SPTB: variants seen among roughly 807,000 people sequenced by gnomAD.
The protein encoded by SPTB is spectrin beta, erythrocytic, also known as spectrin beta chain, erythrocytic.
In SPTB, 45 loss-of-function variants were observed where a neutral mutation model predicts 256.2. The observed-to-expected ratio is 0.18, with a 90% CI of 0.14 to 0.23. The LOEUF (loss-of-function observed/expected upper bound fraction) is 0.23. SPTB is among the 10% of genes least tolerant of loss of function. The pLI is 1.00. For synonymous variants in SPTB, 1,231 were observed against 1,243.1 expected (o/e 0.99, Z 0.21); for missense variants, 2,715 against 3,040.4 (o/e 0.89, Z 2.52).
Position 64,772,830 on chromosome 14 carries a change from A to T in SPTB, c.5303T>A (p.Ile1768Asn). The change falls in exon 26 of 36, where the codon ATC becomes AAC. Residue 1768 changes from isoleucine to asparagine, a missense_variant. By Grantham distance (149) the Ile-to-Asn change is moderately radical. Around this residue, in one of 4 missense-constraint regions of SPTB, gnomAD observed 2,239 missense variants for 2,384.4 expected, o/e 0.94. Coordinates refer to ENST00000644917, the MANE Select transcript of SPTB (RefSeq NM_001355436.2). The surrounding 1 kb of genome is among the most constrained non-coding windows in gnomAD (Gnocchi z 5.4). ...GTTCAGCCCGTCCTTCCACTCGGCG[A>T]TGGTGGCCGCCTCGCTGTGGCCCGC... ...IDAGHSEAATIAEWKDGLNEM... is the reference protein window; with the variant it reads ...IDAGHSEAATNAEWKDGLNEM... 1 of 1,613,782 alleles carries T rather than the reference A, an allele frequency of 6.2e-7. No homozygotes were observed. Among genetic ancestry groups the T allele is most frequent in the Non-Finnish European group, 8.5e-7 (1 of 1,179,932 alleles).
chr14:64,785,053 C>T lies in SPTB; in HGVS notation c.3855+484G>A, dbSNP rs2082540641. 6.6e-6 allele frequency among the ~76,000 whole-genome samples: 1 copy of T among 152,220 alleles called. No homozygotes were observed. Among genetic ancestry groups the T allele is most frequent in the Non-Finnish European group, 1.5e-5 (1 of 68,042 alleles). On this transcript the variant is annotated intron_variant, in intron 18 of 35. Transcript: ENST00000644917. The surrounding 1 kb of genome is among the most constrained non-coding windows in gnomAD (Gnocchi z 4.4). ...CTCACCCCGTAAAGTTCTGATTCATCTGGCCTGAGTGGGACCCAGGGGTCT... is the reference window on the plus strand; with the variant it reads ...CTCACCCCGTAAAGTTCTGATTCATTTGGCCTGAGTGGGACCCAGGGGTCT...
intron 9 of SPTB, among the ~76,000 whole-genome samples, chr14:64,798,880 C>T (rs966463489): frequency 6.6e-6 from 1 of 152,172 alleles, no homozygotes; most frequent in African/African-American, 2.4e-5. Flanking sequence ...GAGCTAGAAG[C>T]CTATTTCAGA....
Position 64,866,535 on chromosome 14 carries a change from G to T in SPTB, c.-52+13257C>A, listed in dbSNP as rs1882191911. 2.0e-5 allele frequency among the ~76,000 whole-genome samples: 3 copies of T among 152,140 alleles called. No homozygotes were observed. Among genetic ancestry groups the T allele is most frequent in the Admixed American group, 6.5e-5 (1 of 15,272 alleles). ...CTCGTAGCTCCACTCACCGCCTCTG[G>T]AAGTTAAATACCAGCTCCTATCAGT... On this transcript the variant is annotated intron_variant, in intron 1 of 35. Transcript: ENST00000644917. This position sits in a 1 kb window ranked among gnomAD's most constrained non-coding sequence, Gnocchi z 4.6.
intron 27 of SPTB, among the ~76,000 whole-genome samples, chr14:64,770,220 T>G (rs140300393): frequency 6.6e-6 from 1 of 152,204 alleles, no homozygotes; most frequent in African/African-American, 2.4e-5. Context: ...GATGAAAATC[T>G]TCTAACCTTA....
At position 64,770,967 on chromosome 14, in the gene SPTB, A is replaced by C. The variant is rs145604702; in HGVS notation, c.5716T>G (p.Phe1906Val). 2.9e-5 allele frequency: 47 copies of C among 1,613,958 alleles called. No homozygotes were observed. The highest frequency in any genetic ancestry group is 3.9e-5 in the Non-Finnish European group (46 of 1,180,020). The change falls in exon 27 of 36, where the codon TTC becomes GTC. Residue 1906 changes from phenylalanine to valine, a missense_variant. Physicochemically the swap from Phe to Val is conservative, Grantham distance 50 (BLOSUM62 -1). Transcript: ENST00000644917. ...TCACGGGCCATGCTGAAGAAGCGGAATTTATCCGCCGTGTCCACTAGCTGG... is the reference window on the plus strand; with the variant it reads ...TCACGGGCCATGCTGAAGAAGCGGACTTTATCCGCCGTGTCCACTAGCTGG... ...RTQLVDTADKFRFFSMARDLL... is the reference protein window; with the variant it reads ...RTQLVDTADKVRFFSMARDLL...
intron 4 of SPTB, 34 bp downstream of exon 4, chr14:64,803,573 C>T (rs2082928487): frequency 3.1e-6 from 5 of 1,613,284 alleles, no homozygotes; most frequent in South Asian, 2.2e-5. Context: ...GCCTTGAGGG[C>T]TCCCTCGACT....
rs1212085008 is a variant in SPTB at position 64,873,089 on chromosome 14, A to C, written c.-52+6703T>G. ...CCCACTTCATTTGAGTCTCAGCCCA[A>C]ATGAAGCCCCATCAGATAGTGTTTT... On this transcript the variant is annotated intron_variant, in intron 1 of 35. Transcript: ENST00000644917. This position sits in a 1 kb window ranked among gnomAD's most constrained non-coding sequence, Gnocchi z 4.3. Among the ~76,000 whole-genome samples, 1 of 152,140 alleles carries C rather than the reference A, an allele frequency of 6.6e-6. No homozygotes were observed. Among genetic ancestry groups the C allele is most frequent in the African/African-American group, 2.4e-5 (1 of 41,432 alleles).
chr14:64,863,744 A>G (rs906745553), intron 1 of SPTB, among the ~76,000 whole-genome samples: 2 of 152,366 alleles, frequency 1.3e-5, no homozygotes, highest in African/African-American at 4.8e-5. Flanking sequence ...TCAATTCACC[A>G]TAACCATTCT....
chr14:64,793,424 G>T lies in SPTB; in HGVS notation c.2239C>A (p.Gln747Lys). ...KNLQDAENFF[Q>K]FQGDADDLKA... ...AGGTCATCCGCATCGCCCTGGAACTGGAAAAAGTTCTCAGCATCCTGGAGG... is the reference window on the plus strand; with the variant it reads ...AGGTCATCCGCATCGCCCTGGAACTTGAAAAAGTTCTCAGCATCCTGGAGG... Residue 747 changes from glutamine to lysine, a missense_variant, in exon 14 of 36, where the codon CAG becomes AAG. By Grantham distance (53) the Gln-to-Lys change is moderately conservative (BLOSUM62 1). This residue lies in a region of SPTB where 2,239 missense variants were observed against 2,384.4 expected (regional missense o/e 0.94). Coordinates refer to ENST00000644917, the MANE Select transcript of SPTB (RefSeq NM_001355436.2). The surrounding 1 kb of genome is among the most constrained non-coding windows in gnomAD (Gnocchi z 7.0). The T allele has an allele frequency of 1.9e-6, 3 of 1,613,830 alleles. No individual in the cohort carries two copies. The highest frequency in any genetic ancestry group is 1.6e-4 in the Middle Eastern group (1 of 6,062).
At chr14:64,751,090 A>G (rs1391184861) in intron 33 of SPTB, among the ~76,000 whole-genome samples, 1 of 146,004 alleles carries the variant, frequency 6.8e-6, no homozygotes, top group Admixed American at 7.0e-5. Flanking sequence ...ACATTTATAT[A>G]TTATACATAA....
intron 1 of SPTB, among the ~76,000 whole-genome samples, chr14:64,855,484 G>A (rs2083858009): frequency 1.3e-5 from 2 of 152,070 alleles, no homozygotes; most frequent in South Asian, 4.1e-4. Context: ...CATCCCTTGT[G>A]TTCTAACATG....
At position 64,764,055 on chromosome 14, in the gene SPTB, G is replaced by T. The variant is rs1267016627; in HGVS notation, c.6345+2671C>A. Reference sequence around the variant, plus strand: ...ATTGTACATGAAGCAACACCGCATGGATCTATTCTGTAGGGCACCGACACC... The same window carrying T: ...ATTGTACATGAAGCAACACCGCATGTATCTATTCTGTAGGGCACCGACACC... On this transcript the variant is annotated intron_variant, in intron 32 of 35. Transcript: ENST00000644917. The surrounding 1 kb of genome is among the most constrained non-coding windows in gnomAD (Gnocchi z 4.2). Among the ~76,000 whole-genome samples, 1 of 152,226 alleles carries T rather than the reference G, an allele frequency of 6.6e-6. No homozygotes were observed. The highest frequency in any genetic ancestry group is 1.5e-5 in the Non-Finnish European group (1 of 68,034).
At chr14:64,765,048 G>A (rs1254667947) in intron 32 of SPTB, among the ~76,000 whole-genome samples, 4 of 144,432 alleles carry the variant, frequency 2.8e-5, no homozygotes, top group Non-Finnish European at 4.6e-5. Flanking sequence ...GTGTGCGCGC[G>A]CGCGCGCGGG....
At chr14:64,858,060 A>G (rs1427871278) in intron 1 of SPTB, among the ~76,000 whole-genome samples, 1 of 152,246 alleles carries the variant, frequency 6.6e-6, no homozygotes, top group East Asian at 1.9e-4. Flanking sequence ...TGAAGATCAG[A>G]AAGATTAAAT....
At position 64,749,920 on chromosome 14, in the gene SPTB, C is replaced by T; in HGVS notation, c.6776+61G>A. On this transcript the variant is annotated intron_variant, in intron 34 of 35. Transcript: ENST00000644917. This position sits in a 1 kb window ranked among gnomAD's most constrained non-coding sequence, Gnocchi z 4.7. ...CTGGTCCCCTACAGAGGGCCTCTGC[C>T]CTGCCACTAATGCCAAATCAAGCCA... is the stretch of plus-strand genomic sequence containing the variant. 2 of 1,609,986 alleles carry T rather than the reference C, an allele frequency of 1.2e-6. No homozygotes were observed. The highest frequency in any genetic ancestry group is 1.7e-6 in the Non-Finnish European group (2 of 1,176,440).
intron 2 of SPTB, among the ~76,000 whole-genome samples, chr14:64,818,133 G>T (rs1261730094): frequency 6.6e-6 from 1 of 152,220 alleles, no homozygotes; most frequent in Non-Finnish European, 1.5e-5. Context: ...GGCAAAACCT[G>T]AGTGGGCAAC....
In SPTB at chr14:64,823,204, G is replaced by A. The variant is rs565803905; in HGVS notation, c.-51-59C>T. ...CTCTACCCCCTCGGACTTTTTCTCCGGGGAAACTTATTCGGAGCATCCAAC... is the reference window on the plus strand; with the variant it reads ...CTCTACCCCCTCGGACTTTTTCTCCAGGGAAACTTATTCGGAGCATCCAAC... On this transcript the variant is annotated intron_variant, in intron 1 of 35. Transcript: ENST00000644917. The surrounding 1 kb of genome is among the most constrained non-coding windows in gnomAD (Gnocchi z 6.5). 1.5e-5 allele frequency: 21 copies of A among 1,364,354 alleles called. No homozygotes were observed. Among genetic ancestry groups the A allele is most frequent in the South Asian group, 3.6e-5 (3 of 84,160 alleles). 84.5% of individuals were successfully genotyped at this position (1,364,354 alleles called of 1,614,324 possible). A position where few individuals can be genotyped will look rare whatever the true frequency, so the allele number is the denominator to read the frequency against.
intron 32 of SPTB, among the ~76,000 whole-genome samples, chr14:64,763,294 G>A (rs764759874): frequency 7.9e-5 from 12 of 152,232 alleles, no homozygotes; most frequent in Non-Finnish European, 1.3e-4. Context: ...GCCCACTGCC[G>A]AGGGCTCCCT....
At chr14:64,783,187 C>T (rs1257130829) in intron 19 of SPTB, among the ~76,000 whole-genome samples, 1 of 151,894 alleles carries the variant, frequency 6.6e-6, no homozygotes, top group African/African-American at 2.4e-5. Context: ...ACTTAGGAAT[C>T]TATATCACTA....
Sources: gnomAD v4.1 joint callset for allele counts (sites outside exome capture counted in the v4.1 genomes callset) on GRCh38, gnomAD v4.1.1 for gene constraint, gnomAD v4.1.1 regional missense constraint, Gnocchi (gnomAD v3.1) non-coding constraint, MANE v1.5 for transcripts, NCBI Gene and HGNC (gene_info 2026-07-23, HGNC 2026-07-21) for gene names.